SOCS7: variants seen among roughly 807,000 people sequenced by gnomAD.
SOCS7 encodes suppressor of cytokine signaling 7, also known as NAP-4.
Under a neutral mutation model 58.9 loss-of-function variants are expected in SOCS7, and 18 were observed. The observed-to-expected ratio is 0.31, with a 90% confidence interval of 0.21 to 0.45. The LOEUF (loss-of-function observed/expected upper bound fraction) is 0.45. SOCS7 is among the 20% of genes least tolerant of loss of function. SOCS7 has a pLI of 1.00. For synonymous variants in SOCS7, 388 were observed against 364.3 expected, an observed-to-expected ratio of 1.06 and a Z score of -0.74; for missense variants, 667 against 837.3, an observed-to-expected ratio of 0.80 and a Z score of 2.51.
At chr17:38,396,411 G>T (rs1310436276) in intron 9 of SOCS7, among the ~76,000 whole-genome samples, 2 of 152,168 alleles carry the variant, frequency 1.3e-5, no homozygotes, top group Non-Finnish European at 2.9e-5. Flanking sequence ...TAAAGGGAAA[G>T]GAAACTTCAT....
At chr17:38,361,152 C>T (rs930741351) in intron 1 of SOCS7, among the ~76,000 whole-genome samples, 2 of 152,244 alleles carry the variant, frequency 1.3e-5, no homozygotes, top group African/African-American at 2.4e-5. Flanking sequence ...AGGAGGCCCA[C>T]TTAGTAGCTG....
chr17:38,383,432 T>A (rs2144372230), intron 7 of SOCS7, among the ~76,000 whole-genome samples: 1 of 152,286 alleles, frequency 6.6e-6, no homozygotes. Context: ...CAAGATAATA[T>A]GTGTTGAATG....
chr17:38,368,036 T>C lies in SOCS7; in HGVS notation c.1538T>C (p.Met513Thr). Reference protein sequence around the residue: ...RSQGITHHTRMEHYRGTFSLW... With the variant: ...RSQGITHHTRTEHYRGTFSLW... ...CAGGGTATCACCCACCACACTAGAA[T>C]GGAGCACTACAGAGGTAAGAGATAC... is the stretch of plus-strand genomic sequence containing the variant. Residue 513 changes from methionine (M) to threonine (T), a missense_variant, in exon 6 of 10, where the codon ATG becomes ACG. Physicochemically the swap from Met to Thr is moderately conservative, Grantham distance 81. Around this residue, in one of 9 missense-constraint regions of SOCS7, gnomAD observed 76 missense variants for 194.5 expected, o/e 0.39. Transcript: ENST00000612932. 6.2e-7 allele frequency: 1 copy of C among 1,613,952 alleles called. No homozygotes were observed. Among genetic ancestry groups the C allele is most frequent in the African/African-American group, 1.3e-5 (1 of 75,058 alleles).
chr17:38,366,578 T>C (rs1290372659), intron 5 of SOCS7, among the ~76,000 whole-genome samples, 161 bp downstream of exon 5: 1 of 152,234 alleles, frequency 6.6e-6, no homozygotes, highest in Non-Finnish European at 1.5e-5. Context: ...CACTGTAGGC[T>C]CAAACTCCTG....
intron 6 of SOCS7, among the ~76,000 whole-genome samples, chr17:38,375,553 A>G (rs1011885985): frequency 2.0e-5 from 3 of 152,214 alleles, no homozygotes; most frequent in Admixed American, 2.0e-4. Context: ...TACAAAATAT[A>G]TGTTAACCGA....
intron 7 of SOCS7, among the ~76,000 whole-genome samples, chr17:38,385,273 A>G (rs1392466241): frequency 6.6e-6 from 1 of 151,538 alleles, no homozygotes; most frequent in African/African-American, 2.4e-5. Context: ...TATTTAAAAT[A>G]TTGTTATGTT....
intron 1 of SOCS7, among the ~76,000 whole-genome samples, chr17:38,361,000 T>C (rs2037711539): frequency 6.6e-6 from 1 of 152,240 alleles, no homozygotes; most frequent in South Asian, 2.1e-4. Context: ...AGTGAAGTTA[T>C]CTTTGGTATA....
intron 6 of SOCS7, among the ~76,000 whole-genome samples, chr17:38,375,602 G>A (rs1650471911): frequency 6.6e-6 from 1 of 152,070 alleles, no homozygotes; most frequent in Non-Finnish European, 1.5e-5. Flanking sequence ...TCAACAGTAC[G>A]TTGTTAGTAA....
Position 38,405,413 on chromosome 17 carries a change from G to A in SOCS7, c.*5931G>A, listed in dbSNP as rs547862933. 8 of 152,242 alleles carry A rather than the reference G, an allele frequency of 5.3e-5. No individual in the cohort carries two copies. Among genetic ancestry groups the A allele is most frequent in the East Asian group, 1.9e-4 (1 of 5,186 alleles). The allele number at this position is 152,242 out of a possible 1,614,324, so 9.4% of individuals were successfully genotyped here. ...GCATGTTTGACTCTCGTAAAGGGACGTTAGTAGCTGCTGCAGGTCCTGTTT... is the reference window on the plus strand; with the variant it reads ...GCATGTTTGACTCTCGTAAAGGGACATTAGTAGCTGCTGCAGGTCCTGTTT... On this transcript the variant is annotated 3_prime_UTR_variant, in exon 10 of 10. Coordinates refer to ENST00000612932, the MANE Select transcript of SOCS7 (RefSeq NM_014598.4).
chr17:38,389,907 A>ATATATATAT (rs2038146563), intron 7 of SOCS7, among the ~76,000 whole-genome samples: 7 of 90,226 alleles, frequency 7.8e-5, no homozygotes, highest in Non-Finnish European at 1.4e-4. Context: ...ATACACATAT[A>ATATATATAT]GAGAGAGAGA....
intron 6 of SOCS7, among the ~76,000 whole-genome samples, 156 bp downstream of exon 6, chr17:38,368,206 G>A (rs41487952): frequency 6.6e-6 from 1 of 152,218 alleles, no homozygotes; most frequent in Non-Finnish European, 1.5e-5. Context: ...GCTGATTTCC[G>A]TCACTAGAAG....
At chr17:38,380,638 A>T (rs908451213) in intron 7 of SOCS7, among the ~76,000 whole-genome samples, 12 of 151,640 alleles carry the variant, frequency 7.9e-5, no homozygotes, top group African/African-American at 2.7e-4. Context: ...CTCAAAAAAA[A>T]AAAAATAATA....
At chr17:38,385,867 C>T (rs1289529850) in intron 7 of SOCS7, among the ~76,000 whole-genome samples, 2 of 152,138 alleles carry the variant, frequency 1.3e-5, no homozygotes, top group East Asian at 3.9e-4. Context: ...TACAAATTAG[C>T]AGGAGTCTGA....
At position 38,379,115 on chromosome 17, in the gene SOCS7, G is replaced by A. The variant is rs561950027; in HGVS notation, c.1681+1273G>A. Among the ~76,000 whole-genome samples, 8 of 146,556 alleles carry A rather than the reference G, an allele frequency of 5.5e-5. No homozygotes were observed. In the East Asian group the frequency reaches 6.0e-4, roughly 11 times the overall value. On this transcript the variant is annotated intron_variant, in intron 7 of 9. Coordinates refer to ENST00000612932, the MANE Select transcript of SOCS7 (RefSeq NM_014598.4). ...AGAGGCTGCAATGAGCCAAGATTAC[G>A]TCACTGCACTCCAGCCTGGGTGACA...
intron 7 of SOCS7, among the ~76,000 whole-genome samples, chr17:38,384,189 G>A (rs753263739): frequency 6.6e-6 from 1 of 152,120 alleles, no homozygotes; most frequent in African/African-American, 2.4e-5. Context: ...AATAAACCCT[G>A]TGTATCCATC....
intron 7 of SOCS7, among the ~76,000 whole-genome samples, chr17:38,383,604 C>T (rs1410116147): frequency 6.6e-6 from 1 of 152,190 alleles, no homozygotes; most frequent in African/African-American, 2.4e-5. Flanking sequence ...TATGCCCAGG[C>T]TGGAGTGCAG....
chr17:38,362,629 G>A (rs587767587), intron 2 of SOCS7, among the ~76,000 whole-genome samples: 1 of 152,330 alleles, frequency 6.6e-6, no homozygotes, highest in African/African-American at 2.4e-5. Flanking sequence ...AAAATGTTAA[G>A]CAGGCCAATG....
chr17:38,366,329 T>G lies in SOCS7; in HGVS notation c.1295T>G (p.Leu432Arg). The G allele has an allele frequency of 6.2e-7, 1 of 1,614,160 alleles. No individual in the cohort carries two copies. The highest frequency in any genetic ancestry group is 8.5e-7 in the Non-Finnish European group (1 of 1,180,020). ...RIAPIRAAES[L>R]HSQPPQHLQC... is the part of the protein sequence containing the mutation. The stretch of plus-strand genomic sequence containing the variant: ...GCTCCCATCCGAGCAGCTGAATCCC[T>G]GCACAGCCAACCCCCACAGCACCTC... The change falls in exon 5 of 10, where the codon CTG becomes CGG. Residue 432 changes from leucine (L) to arginine (R), a missense_variant. Transcript: ENST00000612932.
chr17:38,395,777 A>G, intron 8 of SOCS7, 71 bp from the exon 9 acceptor site: 1 of 1,484,362 alleles, frequency 6.7e-7, no homozygotes. Context: ...AGAAGAGTTG[A>G]ACAAAGGAGT....
Sources: gnomAD v4.1 joint callset for allele counts (sites outside exome capture counted in the v4.1 genomes callset) on GRCh38, gnomAD v4.1.1 for gene constraint, gnomAD v4.1.1 regional missense constraint, MANE v1.5 for transcripts, NCBI Gene and HGNC (gene_info 2026-07-23, HGNC 2026-07-21) for gene names.